The following NUCB1 variants were observed in gnomAD, a reference collection of about 807,000 sequenced individuals.
NUCB1 encodes nucleobindin-1.
In NUCB1, 47 loss-of-function variants were observed where a neutral mutation model predicts 61.2. That is an observed-to-expected ratio of 0.77 (90% CI 0.61 to 0.98). The LOEUF (loss-of-function observed/expected upper bound fraction) is 0.98. NUCB1 is among the 50% of genes least tolerant of loss of function. The probability of loss-of-function intolerance (pLI) is 0.00; values close to 1 mark genes in which losing one functional copy is unlikely to be tolerated. For synonymous variants in NUCB1, 234 were observed against 243.1 expected (o/e 0.96, Z 0.35); for missense variants, 583 against 605.3 (o/e 0.96, Z 0.39).
chr19:48,921,296 T>C lies in NUCB1; in HGVS notation c.1145T>C (p.Leu382Pro), dbSNP rs1568589561. Residue 382 changes from leucine (L) to proline (P), a missense_variant, in exon 11 of 13, where the codon CTG becomes CCG. Leu to Pro is a moderately conservative substitution (Grantham distance 98). Coordinates refer to ENST00000405315, the MANE Select transcript of NUCB1 (RefSeq NM_006184.6). ...TEALGRSQGR[L>P]EAQKRELQQA... ...GCTCTAGGGCGGTCCCAGGGCCGCC[T>C]GGAGGCCCAGAAGAGAGAGCTGCAG... is the stretch of plus-strand genomic sequence containing the variant. The C allele has an allele frequency of 1.9e-6, 3 of 1,595,070 alleles. No individual in the cohort carries two copies. Among genetic ancestry groups the C allele is most frequent in the East Asian group, 2.3e-5 (1 of 43,692 alleles).
At chr19:48,916,254 A>C (rs1225590956) in intron 7 of NUCB1, among the ~76,000 whole-genome samples, 1 of 151,876 alleles carries the variant, frequency 6.6e-6, no homozygotes, top group African/African-American at 2.4e-5. Flanking sequence ...ATTCTACTGG[A>C]TATTAATTTC....
rs2037624727 is a variant in NUCB1 at position 48,922,607 on chromosome 19, T to TC, written c.*185dup. The TC allele has an allele frequency of 2.1e-5, 12 of 584,792 alleles. No individual in the cohort carries two copies. The South Asian group carries it at 2.3e-4, about 11-fold the overall frequency. 36.2% of individuals were successfully genotyped at this position (584,792 alleles called of 1,614,324 possible). ...TCCACCTGTCTCCACTTTCACAGCC[T>TC]CCAAGTCTGTGGCTCTTCCCTTCTG... is the stretch of plus-strand genomic sequence containing the variant. On this transcript the variant is annotated 3_prime_UTR_variant, in exon 13 of 13. Transcript: ENST00000405315.
chr19:48,919,141 G>T lies in NUCB1; in HGVS notation c.909+19G>T. The T allele has an allele frequency of 6.2e-7, 1 of 1,613,582 alleles. No homozygotes were observed. On this transcript the variant is annotated intron_variant, in intron 9 of 12. Transcript: ENST00000405315. ...GAAGAATGTGAGGTGGGGGCCAGGC[G>T]GGGGAGAGGACGGGCCCCCAGCTCT...
chr19:48,907,702 C>T (rs1228590949), intron 4 of NUCB1, among the ~76,000 whole-genome samples: 2 of 152,204 alleles, frequency 1.3e-5, no homozygotes, highest in African/African-American at 4.8e-5. Context: ...GCTGCCACAA[C>T]ACCCAGGCTC....
chr19:48,917,215 C>A (rs1403357057), intron 7 of NUCB1, among the ~76,000 whole-genome samples: 4 of 151,912 alleles, frequency 2.6e-5, no homozygotes, highest in African/African-American at 9.7e-5. Context: ...AGAGTGAGAC[C>A]CTGTCTCTAA....
chr19:48,905,920 A>AGGGGGGGGGAACTGGCTGGGG, intron 4 of NUCB1, 35 bp downstream of exon 4: 1 of 473,426 alleles, frequency 2.1e-6, no homozygotes, highest in Non-Finnish European at 3.9e-6. Context: ...ACAGGCAGGG[A>AGGGGGGGGGAACTGGCTGGGG]GGGGTGGGGA....
rs1568588610 is a variant in NUCB1, at chr19:48,919,199, C to T, written c.915C>T (p.Asp305=). 4 of 1,613,952 alleles carry T rather than the reference C, an allele frequency of 2.5e-6. No individual in the cohort carries two copies. The highest frequency in any genetic ancestry group is 3.3e-5 in the Admixed American group (2 of 59,982). The part of the protein sequence containing the change: ...RMREHVMKNV[D]TNQDRLVTLE... Reference sequence around the variant, plus strand: ...ACCCTTATCTGGCTCCCCAGGTGGACACCAACCAGGACCGCCTCGTGACCC... The same window carrying T: ...ACCCTTATCTGGCTCCCCAGGTGGATACCAACCAGGACCGCCTCGTGACCC... Residue 305 remains aspartate, a synonymous_variant, in exon 10 of 13, where the codon GAC becomes GAT. Transcript: ENST00000405315.
At chr19:48,917,082 G>T (rs1297290754) in intron 7 of NUCB1, among the ~76,000 whole-genome samples, 1 of 151,840 alleles carries the variant, frequency 6.6e-6, no homozygotes, top group African/African-American at 2.4e-5. Flanking sequence ...AATTAGCTGG[G>T]TGTGGTGGCG....
chr19:48,922,622 C>T lies in NUCB1; in HGVS notation c.*198C>T. On this transcript the variant is annotated 3_prime_UTR_variant, in exon 13 of 13. Coordinates refer to ENST00000405315, the MANE Select transcript of NUCB1 (RefSeq NM_006184.6). ...TTTCACAGCCTCCAAGTCTGTGGCT[C>T]TTCCCTTCTGTCCTCCGAGGGGCTT... is the stretch of plus-strand genomic sequence containing the variant. The T allele has an allele frequency of 5.3e-6, 3 of 570,718 alleles. No individual in the cohort carries two copies. Among genetic ancestry groups the T allele is most frequent in the Admixed American group, 5.9e-5 (2 of 33,888 alleles). 35.4% of individuals were successfully genotyped at this position (570,718 alleles called of 1,614,324 possible).
Position 48,905,815 on chromosome 19 carries a change from G to A in NUCB1, c.306G>A (p.Glu102=), listed in dbSNP as rs745930652. Residue 102 remains glutamate (E), a synonymous_variant, in exon 4 of 13, where the codon GAG becomes GAA. Coordinates refer to ENST00000405315, the MANE Select transcript of NUCB1 (RefSeq NM_006184.6). Reference sequence around the variant, plus strand: ...ACCACGTCCGCACCAAGCTGGATGAGCTCAAGCGACAGGAGGTGTCACGGC... The same window carrying A: ...ACCACGTCCGCACCAAGCTGGATGAACTCAAGCGACAGGAGGTGTCACGGC... ...VSHHVRTKLD[E]LKRQEVSRLR... The A allele has an allele frequency of 3.1e-6, 5 of 1,612,730 alleles. No homozygotes were observed. In the Admixed American group the frequency reaches 5.0e-5, roughly 16 times the overall value.
chr19:48,913,193 G>A lies in NUCB1; in HGVS notation c.663G>A (p.Val221=), dbSNP rs1217031747. Residue 221 remains valine (V), a synonymous_variant, in exon 6 of 13, where the codon GTG becomes GTA. Coordinates refer to ENST00000405315, the MANE Select transcript of NUCB1 (RefSeq NM_006184.6). ...RRHREHPKVN[V]PGSQAQLKEV... is the part of the protein sequence containing the mutation. Reference sequence around the variant, plus strand: ...ACCGCGAGCACCCTAAAGTCAACGTGCCTGTGAGGACCCCATTTGTGCCCA... The same window carrying A: ...ACCGCGAGCACCCTAAAGTCAACGTACCTGTGAGGACCCCATTTGTGCCCA... 1 of 1,610,208 alleles carries A rather than the reference G, an allele frequency of 6.2e-7. No homozygotes were observed. Among genetic ancestry groups the A allele is most frequent in the Non-Finnish European group, 8.5e-7 (1 of 1,178,552 alleles).
At chr19:48,906,260 C>T (rs535263700) in intron 4 of NUCB1, among the ~76,000 whole-genome samples, 17 of 151,974 alleles carry the variant, frequency 1.1e-4, no homozygotes, top group Admixed American at 6.6e-4. Context: ...CTAAATTAGC[C>T]GGGCATGGTG....
At chr19:48,902,438 T>TTTTTTTG (rs374146313) in intron 2 of NUCB1, among the ~76,000 whole-genome samples, 3 of 138,694 alleles carry the variant, frequency 2.2e-5, no homozygotes, top group Non-Finnish European at 3.0e-5. Context: ...TTTTTTTTTT[T>TTTTTTTG]ATTTTTGCTG....
chr19:48,903,714 G>A (rs1348178020), intron 2 of NUCB1, among the ~76,000 whole-genome samples: 70 of 102,146 alleles, frequency 6.9e-4, no homozygotes, highest in African/African-American at 1.2e-3. Context: ...GGATGGGTGG[G>A]TGGATGGATG....
intron 5 of NUCB1, 150 bp from the exon 6 acceptor site, chr19:48,912,861 A>AC (rs1363784775): frequency 6.6e-5 from 29 of 442,224 alleles, no homozygotes; most frequent in Non-Finnish European, 7.8e-5. Context: ...AAAAAAAAAA[A>AC]AGGGACATTA....
At chr19:48,900,643 G>A in intron 1 of NUCB1, 143 bp from the exon 2 acceptor site, 1 of 1,161,700 alleles carries the variant, frequency 8.6e-7, no homozygotes, top group South Asian at 1.5e-5. Context: ...CGGAGGCCTG[G>A]AATCCTGGGG....
chr19:48,913,378 A>C, intron 6 of NUCB1, 96 bp from the exon 7 acceptor site: 1 of 1,264,308 alleles, frequency 7.9e-7, no homozygotes, highest in Non-Finnish European at 1.1e-6. Flanking sequence ...TGCTTGAGGG[A>C]GATGATGTTT....
intron 11 of NUCB1, 84 bp downstream of exon 11, chr19:48,921,408 G>A (rs2037608794): frequency 1.4e-6 from 2 of 1,438,818 alleles, no homozygotes; most frequent in South Asian, 2.5e-5. Context: ...AAGCTGGGAA[G>A]GCCTGTGGCC....
At chr19:48,910,668 GTCTCAAAAAAAAA>G (rs2037462035) in intron 4 of NUCB1, among the ~76,000 whole-genome samples, 1 of 147,862 alleles carries the variant, frequency 6.8e-6, no homozygotes, top group Non-Finnish European at 1.5e-5. Context: ...GTGAAACCCT[GTCTCAAAAAAAAA>G]AAAAAAGAAG....
Sources: allele counts gnomAD v4.1 joint callset (sites outside exome capture counted in the v4.1 genomes callset), GRCh38; gene constraint gnomAD v4.1.1; transcripts MANE v1.5; gene names NCBI Gene and HGNC (gene_info 2026-07-23, HGNC 2026-07-21).